ANGPT2: variants seen among roughly 807,000 people sequenced by gnomAD.
ANGPT2 encodes the protein angiopoietin 2.
In ANGPT2, 28 loss-of-function variants were observed where a neutral mutation model predicts 62.9. That is an observed-to-expected ratio of 0.44 (90% CI 0.33 to 0.61). ANGPT2 has a LOEUF of 0.61. Ranked by LOEUF, ANGPT2 falls within the 20% of genes least tolerant of loss-of-function variation. The pLI, the probability that ANGPT2 is intolerant of heterozygous loss-of-function variation, is 0.03. For synonymous variants in ANGPT2, 284 were observed against 207.8 expected (o/e 1.37, Z -3.15); for missense variants, 727 against 594.9 (o/e 1.22, Z -2.31).
chr8:6,508,782 A>T (rs1041405735), intron 8 of ANGPT2, 150 bp downstream of exon 8: 10 of 1,154,462 alleles, frequency 8.7e-6, no homozygotes, highest in African/African-American at 3.1e-5. Context: ...AAAAAGTGAA[A>T]AACACATTTA....
chr8:6,563,001 C>G lies in ANGPT2; in HGVS notation c.-67G>C. Reference sequence around the variant, plus strand: ...GCAAACACACGTCCAGAGTCCCGAGCTGCTGCCGTCTAAAACGCAGGGCTG... The same window carrying G: ...GCAAACACACGTCCAGAGTCCCGAGGTGCTGCCGTCTAAAACGCAGGGCTG... On this transcript the variant is annotated 5_prime_UTR_variant, in exon 1 of 9. Transcript: ENST00000629816. The G allele has an allele frequency of 6.7e-7, 1 of 1,502,326 alleles. No homozygotes were observed. 93.1% of individuals were successfully genotyped at this position (1,502,326 alleles called of 1,614,324 possible).
chr8:6,522,104 C>G (rs558274397), intron 3 of ANGPT2, among the ~76,000 whole-genome samples: 1 of 152,176 alleles, frequency 6.6e-6, no homozygotes, highest in Middle Eastern at 3.2e-3. Flanking sequence ...GCTTGTAATC[C>G]CAGCACTTTG....
intron 3 of ANGPT2, 77 bp downstream of exon 3, chr8:6,527,478 A>G: frequency 2.6e-6 from 4 of 1,528,936 alleles, no homozygotes; most frequent in Non-Finnish European, 3.6e-6. Flanking sequence ...CATTCTGATA[A>G]TTCATCATTT....
In ANGPT2 at chr8:6,499,803, G is replaced by A; in HGVS notation, c.*3298C>T. On this transcript the variant is annotated 3_prime_UTR_variant, in exon 9 of 9. Transcript: ENST00000629816. ...CAAAGTGATTCTTGGTTTATTGCCT[G>A]CTAAGGCTAATAAATGTATAATAAA... is the stretch of plus-strand genomic sequence containing the variant. The A allele has an allele frequency of 6.5e-7, 1 of 1,539,620 alleles. No homozygotes were observed. Among genetic ancestry groups the A allele is most frequent in the Non-Finnish European group, 9.0e-7 (1 of 1,114,384 alleles).
At chr8:6,521,130 C>T (rs765156234) in intron 4 of ANGPT2, 48 bp downstream of exon 4, 9 of 1,493,210 alleles carry the variant, frequency 6.0e-6, no homozygotes, top group Admixed American at 3.7e-5. Flanking sequence ...GAGTGTTTTA[C>T]TGACTAAAGG....
At chr8:6,557,400 AG>A (rs1824809282) in intron 1 of ANGPT2, among the ~76,000 whole-genome samples, 2 of 152,142 alleles carry the variant, frequency 1.3e-5, no homozygotes, top group South Asian at 4.1e-4. Context: ...GGTGACTCAG[AG>A]CCACCCTGTT....
At chr8:6,511,495 C>G (rs893691254) in intron 7 of ANGPT2, among the ~76,000 whole-genome samples, 12 of 152,200 alleles carry the variant, frequency 7.9e-5, no homozygotes, top group African/African-American at 1.9e-4. Context: ...TGCATTTATG[C>G]ATTTCTTATA....
In ANGPT2 at chr8:6,521,158, A is replaced by T. The variant is rs375753691; in HGVS notation, c.799+20T>A. 5.6e-6 allele frequency: 9 copies of T among 1,598,600 alleles called. No homozygotes were observed. The African/African-American group carries it at 1.1e-4, about 19-fold the overall frequency. ...ACTAAAGGTTATTAACGCTGAAGAA[A>T]GCATGATATGTAAACTTACAGTTTG... is the stretch of plus-strand genomic sequence containing the variant. On this transcript the variant is annotated intron_variant, in intron 4 of 8. Transcript: ENST00000629816.
chr8:6,536,394 T>C (rs934827948), intron 1 of ANGPT2, among the ~76,000 whole-genome samples: 2 of 96,000 alleles, frequency 2.1e-5, no homozygotes, highest in African/African-American at 8.0e-5. Context: ...TTCATACTTT[T>C]CCAGCCTTTT....
At chr8:6,544,803 A>G (rs1334411194) in intron 1 of ANGPT2, among the ~76,000 whole-genome samples, 2 of 152,224 alleles carry the variant, frequency 1.3e-5, no homozygotes, top group African/African-American at 2.4e-5. Context: ...ACTTGAATCT[A>G]TAACATCTGC....
intron 7 of ANGPT2, among the ~76,000 whole-genome samples, chr8:6,510,987 C>G (rs1814962528): frequency 6.6e-6 from 1 of 152,348 alleles, no homozygotes; most frequent in East Asian, 1.9e-4. Flanking sequence ...TTTTGAAACA[C>G]TGTACTTTCT....
chr8:6,524,265 T>C (rs1401309043), intron 3 of ANGPT2, among the ~76,000 whole-genome samples: 2 of 152,244 alleles, frequency 1.3e-5, no homozygotes, highest in Admixed American at 1.3e-4. Context: ...ATGGCATCTT[T>C]ATGTTTCAGA....
At chr8:6,512,063 C>G (rs761882437) in intron 7 of ANGPT2, among the ~76,000 whole-genome samples, 1 of 152,084 alleles carries the variant, frequency 6.6e-6, no homozygotes, top group Non-Finnish European at 1.5e-5. Flanking sequence ...GGCCCAAACA[C>G]CTATCTTCTC....
rs1819732382 is a variant in ANGPT2 at position 6,532,586 on chromosome 8, A to AAC, written c.289-100_289-99insGT. On this transcript the variant is annotated intron_variant, in intron 1 of 8. Coordinates refer to ENST00000629816, the MANE Select transcript of ANGPT2 (RefSeq NM_001118887.2). ...TCCTCCCTATCTTTAAAAAAAAAAAAAAAAAATCTATCAAAAGACTTGTAC... is the reference window on the plus strand; with the variant it reads ...TCCTCCCTATCTTTAAAAAAAAAAAAACAAAAAATCTATCAAAAGACTTGTAC... 1.7e-5 allele frequency: 15 copies of AAC among 887,454 alleles called. No homozygotes were observed. In the South Asian group the frequency reaches 4.7e-4, roughly 28 times the overall value. The allele number at this position is 887,454 out of a possible 1,614,324, so 55.0% of individuals were successfully genotyped here.
rs999025415 is a variant in ANGPT2, at chr8:6,501,109, G to A, written c.*1992C>T. The A allele has an allele frequency of 1.3e-5, 2 of 152,212 alleles. No homozygotes were observed. Among genetic ancestry groups the A allele is most frequent in the Non-Finnish European group, 2.9e-5 (2 of 68,044 alleles). The allele number at this position is 152,212 out of a possible 1,614,324, so 9.4% of individuals were successfully genotyped here. A position where few individuals can be genotyped will look rare whatever the true frequency, so the allele number is the denominator to read the frequency against. On this transcript the variant is annotated 3_prime_UTR_variant, in exon 9 of 9. Coordinates refer to ENST00000629816, the MANE Select transcript of ANGPT2 (RefSeq NM_001118887.2). ...AAATATAAAGTAGATACAGTTCTAA[G>A]ATAGGGAGGTTCTTAACTAGTTAAA...
chr8:6,541,159 A>T, intron 1 of ANGPT2, among the ~76,000 whole-genome samples: 1 of 152,200 alleles, frequency 6.6e-6, no homozygotes, highest in Non-Finnish European at 1.5e-5. Context: ...AGTTGGGCCC[A>T]GAGGGTTAAT....
chr8:6,547,767 A>C (rs137857846), intron 1 of ANGPT2, among the ~76,000 whole-genome samples: 14 of 152,294 alleles, frequency 9.2e-5, no homozygotes, highest in African/African-American at 2.9e-4. Context: ...CGGTGGGAAC[A>C]AAAGCTCCCA....
intron 8 of ANGPT2, among the ~76,000 whole-genome samples, chr8:6,503,488 C>T (rs959333139): frequency 6.6e-6 from 1 of 152,202 alleles, no homozygotes; most frequent in South Asian, 2.1e-4. Context: ...CCTTCTTCCA[C>T]CTTTTCCCTT....
chr8:6,499,900 G>C lies in ANGPT2; in HGVS notation c.*3201C>G. ...TCACTGGATTTCTGAGGAGCCGTTC[G>C]AACTGTCTCACCACTTCCCTGCAGC... On this transcript the variant is annotated 3_prime_UTR_variant, in exon 9 of 9. Transcript: ENST00000629816. 1 of 1,613,636 alleles carries C rather than the reference G, an allele frequency of 6.2e-7. No individual in the cohort carries two copies. The highest frequency in any genetic ancestry group is 1.1e-5 in the South Asian group (1 of 91,048).
Sources: allele counts gnomAD v4.1 joint callset (sites outside exome capture counted in the v4.1 genomes callset), GRCh38; gene constraint gnomAD v4.1.1; transcripts MANE v1.5; gene names NCBI Gene and HGNC (gene_info 2026-07-23, HGNC 2026-07-21).